Variants in UNC93A observed in about 807,000 individuals in gnomAD.
The protein encoded by UNC93A is N-acetylglucosamine transporter UNC93A.
A neutral mutation model predicts 47.5 loss-of-function variants in UNC93A; 43 were observed. The observed-to-expected ratio is 0.91, with a 90% CI of 0.71 to 1.17. The LOEUF is 1.17. UNC93A is among the 50% of genes most tolerant of loss of function. The pLI, the probability that UNC93A is intolerant of heterozygous loss-of-function variation, is 0.00. For missense variants in UNC93A, 605 were observed against 577.6 expected, an observed-to-expected ratio of 1.05 and a Z score of -0.49; for synonymous variants, 280 against 258.0, an observed-to-expected ratio of 1.09 and a Z score of -0.82.
At chr6:167,297,346 T>C (rs898319445) in intron 3 of UNC93A, among the ~76,000 whole-genome samples, 2 of 152,176 alleles carry the variant, frequency 1.3e-5, no homozygotes, top group African/African-American at 2.4e-5. Context: ...GTCTGTTATA[T>C]AATTTGTGTT....
chr6:167,270,890 G>A (rs1356119165), upstream of UNC93A, among the ~76,000 whole-genome samples: 2 of 152,204 alleles, frequency 1.3e-5, no homozygotes, highest in African/African-American at 4.8e-5. Context: ...CCTCCAGGCT[G>A]GGGGACAAGA....
chr6:167,297,825 G>A (rs1778130414), intron 3 of UNC93A, 120 bp from the exon 4 acceptor site: 6 of 1,322,788 alleles, frequency 4.5e-6, no homozygotes, highest in Non-Finnish European at 5.2e-6. Context: ...CACGTGACCT[G>A]TAGTGATGCC....
In UNC93A at chr6:167,307,887, C is replaced by A; in HGVS notation, c.1085C>A (p.Ala362Asp). The change falls in exon 7 of 8, where the codon GCC becomes GAC. Residue 362 changes from alanine (A) to aspartate (D), a missense_variant. Transcript: ENST00000230256. ...VFSGLWGVAD[A>D]VWQTQNNALY... ...TCTGGCCTGTGGGGCGTGGCAGATG[C>A]CGTCTGGCAGACACAAAACAATGGT... The A allele has an allele frequency of 5.0e-6, 8 of 1,613,838 alleles. No homozygotes were observed. The highest frequency in any genetic ancestry group is 6.8e-6 in the Non-Finnish European group (8 of 1,179,812).
At chr6:167,313,212 C>T (rs1030444397) in intron 7 of UNC93A, among the ~76,000 whole-genome samples, 17 of 152,186 alleles carry the variant, frequency 1.1e-4, no homozygotes, top group African/African-American at 3.9e-4. Flanking sequence ...TCCCCAAGTC[C>T]TCCATGCTGG....
rs1777994870 is a variant in UNC93A, at chr6:167,294,590, C to G, written c.161C>G (p.Ser54Cys). ...STLYGGMLLS[S>C]MFLPPLLIER... ...CTCTATGGAGGCATGCTCCTGTCCT[C>G]CATGTTCCTCCCACCGCTCCTCATC... The change falls in exon 2 of 8, where the codon TCC becomes TGC. Residue 54 changes from serine to cysteine, a missense_variant. Coordinates refer to ENST00000230256, the MANE Select transcript of UNC93A (RefSeq NM_018974.4). The G allele has an allele frequency of 3.1e-6, 5 of 1,613,978 alleles. No individual in the cohort carries two copies. Among genetic ancestry groups the G allele is most frequent in the Non-Finnish European group, 2.5e-6 (3 of 1,179,944 alleles).
intron 1 of UNC93A, 135 bp downstream of exon 1, chr6:167,291,711 C>G (rs1562347379): frequency 1.3e-6 from 1 of 795,066 alleles, no homozygotes; most frequent in Non-Finnish European, 2.0e-6. Context: ...ACCAAATCCT[C>G]TAAAACAAAC....
chr6:167,287,812 A>G (rs1051276071), upstream of UNC93A, among the ~76,000 whole-genome samples: 2 of 152,040 alleles, frequency 1.3e-5, no homozygotes, highest in South Asian at 2.1e-4. Flanking sequence ...CCCCCTGACT[A>G]TGAGAGTGGA....
At chr6:167,297,095 G>T (rs1340896013) in intron 3 of UNC93A, among the ~76,000 whole-genome samples, 6 of 152,176 alleles carry the variant, frequency 3.9e-5, no homozygotes, top group Non-Finnish European at 8.8e-5. Context: ...ATTGCTGTTG[G>T]TGTCAGCAAC....
intron 6 of UNC93A, 29 bp downstream of exon 6, chr6:167,306,079 C>G: frequency 6.2e-7 from 1 of 1,612,188 alleles, no homozygotes; most frequent in Non-Finnish European, 8.5e-7. Context: ...CCCATCCCAG[C>G]TGTCATAACG....
At chr6:167,302,724 A>C (rs1778276898) in intron 4 of UNC93A, among the ~76,000 whole-genome samples, 1 of 152,132 alleles carries the variant, frequency 6.6e-6, no homozygotes, top group African/African-American at 2.4e-5. Flanking sequence ...AATAGTTAAA[A>C]TATTTTTTTG....
At chr6:167,287,764 G>C (rs1450261449), upstream of UNC93A, among the ~76,000 whole-genome samples, 1 of 151,978 alleles carries the variant, frequency 6.6e-6, no homozygotes, top group Admixed American at 6.5e-5. Flanking sequence ...TGTGTGCACT[G>C]TGCACATGAG....
chr6:167,304,239 G>A lies in UNC93A; in HGVS notation c.840+106G>A, dbSNP rs141972493. 8.5e-4 allele frequency: 1,102 copies of A among 1,292,010 alleles called. 9 individuals carry two copies. In the African/African-American group the frequency reaches 0.011, roughly 13 times the overall value. The allele number at this position is 1,292,010 out of a possible 1,614,324, so 80.0% of individuals were successfully genotyped here. A position where few individuals can be genotyped will look rare whatever the true frequency, so the allele number is the denominator to read the frequency against. On this transcript the variant is annotated intron_variant, in intron 5 of 7. Coordinates refer to ENST00000230256, the MANE Select transcript of UNC93A (RefSeq NM_018974.4). Reference sequence around the variant, plus strand: ...AGAGTGTCTCAGGCCACCTGCCCAGGGCTGGGGCTGGAGGGAGCGGGGTCC... The same window carrying A: ...AGAGTGTCTCAGGCCACCTGCCCAGAGCTGGGGCTGGAGGGAGCGGGGTCC...
chr6:167,315,418 A>G lies in UNC93A; in HGVS notation c.1340A>G (p.Gln447Arg). 3.7e-6 allele frequency: 6 copies of G among 1,614,010 alleles called. No individual in the cohort carries two copies. Among genetic ancestry groups the G allele is most frequent in the Non-Finnish European group, 5.1e-6 (6 of 1,179,888 alleles). The change falls in exon 8 of 8, where the codon CAG (glutamine) becomes CGG (arginine). Residue 447 changes from glutamine (Q) to arginine (R), a missense_variant. Physicochemically the swap from Gln to Arg is conservative, Grantham distance 43 (BLOSUM62 1). Transcript: ENST00000230256. ...IRPHAPGQVN[Q>R]AEDEEIQTKM Reference sequence around the variant, plus strand: ...CCCCACGCTCCAGGACAGGTCAACCAGGCAGAGGATGAAGAAATACAAACA... The same window carrying G: ...CCCCACGCTCCAGGACAGGTCAACCGGGCAGAGGATGAAGAAATACAAACA...
intron 1 of UNC93A, among the ~76,000 whole-genome samples, chr6:167,283,294 T>C (rs763224989): frequency 6.6e-6 from 1 of 152,250 alleles, no homozygotes; most frequent in African/African-American, 2.4e-5. Flanking sequence ...ATGTGGTGTC[T>C]TATTTCTACA....
At chr6:167,292,944 G>A (rs1375933067) in intron 1 of UNC93A, among the ~76,000 whole-genome samples, 1 of 152,124 alleles carries the variant, frequency 6.6e-6, no homozygotes, top group African/African-American at 2.4e-5. Context: ...GCATTCCTAG[G>A]AACCAGTTCT....
chr6:167,273,973 G>T (rs1485465006), intron 1 of UNC93A, among the ~76,000 whole-genome samples: 1 of 152,174 alleles, frequency 6.6e-6, no homozygotes, highest in Non-Finnish European at 1.5e-5. Flanking sequence ...AAACTTAGTG[G>T]AGTATTTCCT....
At chr6:167,293,252 G>A (rs773591199) in intron 1 of UNC93A, among the ~76,000 whole-genome samples, 2 of 152,154 alleles carry the variant, frequency 1.3e-5, no homozygotes, top group African/African-American at 2.4e-5. Flanking sequence ...CTCCTCCTGG[G>A]CTGGTGGAAG....
intron 5 of UNC93A, 44 bp from the exon 6 acceptor site, chr6:167,305,871 G>A: frequency 6.2e-7 from 1 of 1,612,576 alleles, no homozygotes; most frequent in African/African-American, 1.3e-5. Flanking sequence ...GAGCACGGGA[G>A]GCCTGGGAGC....
At chr6:167,289,451 A>G (rs890168018), upstream of UNC93A, among the ~76,000 whole-genome samples, 6 of 152,282 alleles carry the variant, frequency 3.9e-5, no homozygotes, top group South Asian at 2.1e-4. Context: ...TGGGAGGAAA[A>G]GAGAGAAAAA....
Sources: gnomAD v4.1 joint callset for allele counts (sites outside exome capture counted in the v4.1 genomes callset) on GRCh38, gnomAD v4.1.1 for gene constraint, MANE v1.5 for transcripts, NCBI Gene and HGNC (gene_info 2026-07-23, HGNC 2026-07-21) for gene names.